PACRG: variants seen among roughly 807,000 people sequenced by gnomAD.
PACRG encodes parkin coregulated.
PACRG carries 29 observed loss-of-function variants against 29.7 expected under a neutral mutation model. The observed-to-expected ratio is 0.98, with a 90% CI of 0.73 to 1.33. The LOEUF (loss-of-function observed/expected upper bound fraction) is 1.33. PACRG is among the 40% of genes most tolerant of loss of function. PACRG has a pLI of 0.00. For missense variants in PACRG, 279 were observed against 316.2 expected (o/e 0.88, Z 0.89); for synonymous variants, 116 against 118.7 (o/e 0.98, Z 0.15).
At chr6:162,940,203 C>T (rs1798517392) in intron 2 of PACRG, among the ~76,000 whole-genome samples, 1 of 152,136 alleles carries the variant, frequency 6.6e-6, no homozygotes, top group Admixed American at 6.5e-5. Flanking sequence ...GATCAGGCAA[C>T]AAATGAGAAG....
intron 2 of PACRG, among the ~76,000 whole-genome samples, chr6:162,923,933 T>A (rs923853295): frequency 6.6e-6 from 1 of 152,126 alleles, no homozygotes; most frequent in South Asian, 2.1e-4. Flanking sequence ...ATTGGTATTT[T>A]GATAGAGATT....
chr6:163,252,650 T>C (rs1782955272), intron 4 of PACRG, among the ~76,000 whole-genome samples: 1 of 152,218 alleles, frequency 6.6e-6, no homozygotes, highest in Non-Finnish European at 1.5e-5. Flanking sequence ...AGCTTTCAAT[T>C]TGTCAACTGG....
intron 2 of PACRG, among the ~76,000 whole-genome samples, chr6:162,936,310 G>A (rs1798231654): frequency 6.6e-6 from 1 of 152,112 alleles, no homozygotes; most frequent in Non-Finnish European, 1.5e-5. Context: ...ACTCTATCGA[G>A]TGCTCACACA....
At position 162,747,474 on chromosome 6, in the gene PACRG, C is replaced by CTATATATATATATATATATATATACA; in HGVS notation, c.156+19102_156+19103insATATACATATATATATATATATATAT. Among the ~76,000 whole-genome samples, 2 of 44,776 alleles carry CTATATATATATATATATATATATACA rather than the reference C, an allele frequency of 4.5e-5. 1 individual carries two copies. Among genetic ancestry groups the CTATATATATATATATATATATATACA allele is most frequent in the South Asian group, 1.6e-3 (2 of 1,220 alleles). 29.4% of individuals were successfully genotyped at this position (44,776 alleles called of 152,430 possible). ...TATAACTATAAATATATATGTAAAACTATATATATATATATATATTCCATT... is the reference window on the plus strand; with the variant it reads ...TATAACTATAAATATATATGTAAAACTATATATATATATATATATATATACATATATATATATATATATATTCCATT... On this transcript the variant is annotated intron_variant, in intron 1 of 4. Coordinates refer to ENST00000366888, the MANE Select transcript of PACRG (RefSeq NM_001080379.2).
intron 2 of PACRG, among the ~76,000 whole-genome samples, chr6:162,855,671 C>T (rs528066446): frequency 1.6e-3 from 237 of 152,298 alleles, no homozygotes; most frequent in African/African-American, 5.5e-3. Context: ...TGACAAGGGA[C>T]ATGGGAATAG....
chr6:163,272,183 C>T (rs902354074), intron 4 of PACRG, among the ~76,000 whole-genome samples: 3 of 152,120 alleles, frequency 2.0e-5, no homozygotes, highest in African/African-American at 7.2e-5. Context: ...GGACTACAGG[C>T]ATGCGCCACC....
chr6:162,970,051 T>C (rs545568736), intron 2 of PACRG, among the ~76,000 whole-genome samples: 14 of 152,266 alleles, frequency 9.2e-5, no homozygotes, highest in African/African-American at 3.4e-4. Flanking sequence ...ATAAAATCAG[T>C]TGGACGTGAA....
intron 3 of PACRG, among the ~76,000 whole-genome samples, chr6:163,077,149 A>T (rs1812621078): frequency 2.0e-5 from 3 of 152,238 alleles, no homozygotes; most frequent in Non-Finnish European, 2.9e-5. Context: ...GATGAAGGGT[A>T]TAATGATATA....
intron 4 of PACRG, among the ~76,000 whole-genome samples, chr6:163,235,691 G>A (rs1039587580): frequency 6.6e-6 from 1 of 152,056 alleles, no homozygotes; most frequent in Non-Finnish European, 1.5e-5. Flanking sequence ...TTTCTCTCTG[G>A]AAAATTTTTT....
chr6:163,194,353 CCT>C (rs546221439), intron 4 of PACRG, among the ~76,000 whole-genome samples: 160 of 152,142 alleles, frequency 1.1e-3, no homozygotes, highest in African/African-American at 3.8e-3. Context: ...GTTCTCTCCC[CCT>C]CTCTCCCTCC....
intron 2 of PACRG, among the ~76,000 whole-genome samples, chr6:163,032,142 G>T (rs1807726872): frequency 6.6e-6 from 1 of 152,170 alleles, no homozygotes. Flanking sequence ...TTTGTTTACA[G>T]GAGTATAGTT....
chr6:163,258,673 C>G (rs950122334), intron 4 of PACRG, among the ~76,000 whole-genome samples: 1 of 150,878 alleles, frequency 6.6e-6, no homozygotes, highest in Non-Finnish European at 1.5e-5. Flanking sequence ...AGGAGAATGG[C>G]GTGAACCTGG....
chr6:162,884,289 T>C (rs565821784), intron 2 of PACRG, among the ~76,000 whole-genome samples: 1 of 152,316 alleles, frequency 6.6e-6, no homozygotes, highest in African/African-American at 2.4e-5. Context: ...GGTTCATCTA[T>C]AAGTTTTTTC....
Position 162,940,940 on chromosome 6 carries a change from C to T in PACRG, c.292-121210C>T, listed in dbSNP as rs552389173. On this transcript the variant is annotated intron_variant, in intron 2 of 4. Transcript: ENST00000366888. ...CAGAATTTGTTTTTAAATGAAATTACGTGGAAAAATGTACCAATCCTTAAT... is the reference window on the plus strand; with the variant it reads ...CAGAATTTGTTTTTAAATGAAATTATGTGGAAAAATGTACCAATCCTTAAT... Among the ~76,000 whole-genome samples, 5 of 152,176 alleles carry T rather than the reference C, an allele frequency of 3.3e-5. No individual in the cohort carries two copies. The South Asian group carries it at 8.3e-4, about 25-fold the overall frequency.
chr6:162,839,799 G>A (rs1049187507), intron 2 of PACRG, among the ~76,000 whole-genome samples: 1 of 151,838 alleles, frequency 6.6e-6, no homozygotes, highest in Non-Finnish European at 1.5e-5. Context: ...TCCAGTTTCA[G>A]CTTTCTACAT....
chr6:162,970,120 A>C (rs1457250714), intron 2 of PACRG, among the ~76,000 whole-genome samples: 1 of 152,208 alleles, frequency 6.6e-6, no homozygotes, highest in Non-Finnish European at 1.5e-5. Flanking sequence ...GTGCCTTCTC[A>C]TGTGAGTTGC....
intron 2 of PACRG, among the ~76,000 whole-genome samples, chr6:162,947,624 AT>A (rs375468325): frequency 2.8e-3 from 96 of 34,186 alleles, no homozygotes; most frequent in African/African-American, 3.2e-3. Flanking sequence ...ATATATATAT[AT>A]ATATATATAT....
chr6:163,262,340 T>C (rs976117234), intron 4 of PACRG, among the ~76,000 whole-genome samples: 8 of 152,214 alleles, frequency 5.3e-5, no homozygotes, highest in Admixed American at 2.6e-4. Context: ...GCAGAGATTA[T>C]GTTGTTCTCT....
intron 4 of PACRG, chr6:163,310,345 C>T (rs970312751): frequency 6.6e-6 from 1 of 152,160 alleles, no homozygotes; most frequent in Non-Finnish European, 1.5e-5. Context: ...GTGCGTGGGC[C>T]CAGACATACT....
Sources: allele counts gnomAD v4.1 joint callset (sites outside exome capture counted in the v4.1 genomes callset), GRCh38; gene constraint gnomAD v4.1.1; transcripts MANE v1.5; gene names NCBI Gene and HGNC (gene_info 2026-07-23, HGNC 2026-07-21).